SMARCA2: variants seen among roughly 807,000 people sequenced by gnomAD.
SMARCA2 encodes the protein SWI/SNF-related matrix-associated actin-dependent regulator of chromatin subfamily A member 2.
SMARCA2 carries 61 observed loss-of-function variants against 199.8 expected under a neutral mutation model. The observed-to-expected ratio is 0.31, with a 90% CI of 0.25 to 0.38. The LOEUF (loss-of-function observed/expected upper bound fraction) is 0.38, where lower values mean the gene tolerates loss of function less well. Among genes scored for constraint, SMARCA2 ranks in the 10% least tolerant of loss-of-function variants. The pLI is 1.00. For missense variants in SMARCA2, 1,344 were observed against 2,012.2 expected (o/e 0.67, Z 6.35); for synonymous variants, 935 against 732.0 (o/e 1.28, Z -4.48).
In SMARCA2 at chr9:2,054,642, G is replaced by A; in HGVS notation, c.1092G>A (p.Leu364=). 6.2e-7 allele frequency: 1 copy of A among 1,614,034 alleles called. No individual in the cohort carries two copies. The highest frequency in any genetic ancestry group is 8.5e-7 in the Non-Finnish European group (1 of 1,179,982). ...ATAGGATACAAGAACTGGAAAATCT[G>A]CCTGGCTCTTTGCCACCAGATTTAA... The part of the protein sequence containing the change: ...IAHRIQELEN[L]PGSLPPDLRT... The change falls in exon 6 of 34, where the codon CTG becomes CTA. Residue 364 remains leucine (L), a synonymous_variant. Coordinates refer to ENST00000349721, the MANE Select transcript of SMARCA2 (RefSeq NM_003070.5).
intron 27 of SMARCA2, chr9:2,160,567 A>G (rs1042440512): frequency 5.7e-6 from 4 of 701,752 alleles, no homozygotes; most frequent in African/African-American, 1.7e-5. Flanking sequence ...ATTGATTGTT[A>G]TACTCACATG....
intron 27 of SMARCA2, among the ~76,000 whole-genome samples, chr9:2,131,980 A>G (rs1046971267): frequency 6.6e-6 from 1 of 151,882 alleles, no homozygotes; most frequent in Non-Finnish European, 1.5e-5. Context: ...TTATAATACT[A>G]GGTGCTAATC....
chr9:2,028,551 T>A (rs1373710970), intron 1 of SMARCA2, among the ~76,000 whole-genome samples: 1 of 152,238 alleles, frequency 6.6e-6, no homozygotes, highest in Non-Finnish European at 1.5e-5. Flanking sequence ...CACTCACTTA[T>A]GAAAATGAGT....
chr9:2,188,061 C>A (rs1014512265), intron 32 of SMARCA2, among the ~76,000 whole-genome samples: 1 of 151,972 alleles, frequency 6.6e-6, no homozygotes, highest in African/African-American at 2.4e-5. Context: ...TATAGACATG[C>A]TTTTAAAAAA....
chr9:2,056,558 C>T lies in SMARCA2; in HGVS notation c.1174-114C>T. The T allele has an allele frequency of 1.2e-6, 1 of 867,374 alleles. No homozygotes were observed. The highest frequency in any genetic ancestry group is 1.7e-6 in the Non-Finnish European group (1 of 573,952). 53.7% of individuals were successfully genotyped at this position (867,374 alleles called of 1,614,324 possible). The stretch of plus-strand genomic sequence containing the variant: ...ATACAAACCAAAGGTGATTGAGAAG[C>T]TTGTGGAGATTCCCCGCCCCACTCT... On this transcript the variant is annotated intron_variant, in intron 6 of 33. Coordinates refer to ENST00000349721, the MANE Select transcript of SMARCA2 (RefSeq NM_003070.5). The surrounding 1 kb of genome is among the most constrained non-coding windows in gnomAD (Gnocchi z 4.0).
chr9:2,164,862 T>C (rs991265721), intron 28 of SMARCA2, among the ~76,000 whole-genome samples: 1 of 152,238 alleles, frequency 6.6e-6, no homozygotes, highest in African/African-American at 2.4e-5. Flanking sequence ...TTTAGATGCT[T>C]TCTGGGGAGT....
At chr9:2,026,363 C>T (rs1818830630) in intron 1 of SMARCA2, among the ~76,000 whole-genome samples, 1 of 152,092 alleles carries the variant, frequency 6.6e-6, no homozygotes, top group South Asian at 2.1e-4. Flanking sequence ...CAATTATATG[C>T]CCGTAATTTT....
Position 2,086,808 on chromosome 9 carries a change from G to T in SMARCA2, c.2527-21G>T. 6.2e-7 allele frequency: 1 copy of T among 1,613,592 alleles called. No homozygotes were observed. Among genetic ancestry groups the T allele is most frequent in the Non-Finnish European group, 8.5e-7 (1 of 1,179,784 alleles). ...ATTTTCCCTTGCTTACTACACGTCC[G>T]TCCTTCCTCTTGTGTTATAGATTCG... On this transcript the variant is annotated intron_variant, in intron 17 of 33. Transcript: ENST00000349721. The surrounding 1 kb of genome is among the most constrained non-coding windows in gnomAD (Gnocchi z 4.3).
chr9:2,050,275 C>A (rs183090123), intron 5 of SMARCA2, among the ~76,000 whole-genome samples: 1 of 151,964 alleles, frequency 6.6e-6, no homozygotes, highest in East Asian at 1.9e-4. Flanking sequence ...TATAATGGAA[C>A]TTTATTACTT....
In SMARCA2 at chr9:2,026,822, CTG is replaced by C. The variant is rs527506178; in HGVS notation, c.-36-2160_-36-2159del. ...CCTAAATTTAAAATGCTGACTGAAC[CTG>C]TGTGAGGTGGTGGAAAGCAAAAAGA... is the stretch of plus-strand genomic sequence containing the variant. On this transcript the variant is annotated intron_variant, in intron 1 of 33. Coordinates refer to ENST00000349721, the MANE Select transcript of SMARCA2 (RefSeq NM_003070.5). Among the ~76,000 whole-genome samples the C allele has an allele frequency of 2.6e-5, 4 of 152,254 alleles. No homozygotes were observed. In the East Asian group the frequency reaches 7.7e-4, roughly 29 times the overall value.
intron 31 of SMARCA2, among the ~76,000 whole-genome samples, chr9:2,182,804 A>G (rs555605971): frequency 0.013 from 925 of 73,316 alleles, 5 homozygotes; most frequent in Middle Eastern, 0.026. Flanking sequence ...CTCAAAGCAT[A>G]TATTTTTTTT....
chr9:2,092,192 T>C (rs986726643), intron 19 of SMARCA2, among the ~76,000 whole-genome samples: 3 of 152,238 alleles, frequency 2.0e-5, no homozygotes, highest in Admixed American at 6.5e-5. Flanking sequence ...GAACCAACTA[T>C]ACTTGCAATT....
At chr9:2,037,139 G>A (rs6475421) in intron 3 of SMARCA2, among the ~76,000 whole-genome samples, 34,776 of 152,064 alleles carry the variant, frequency 0.23, 4,200 homozygotes, top group East Asian at 0.35. Context: ...TGAACAGACT[G>A]CCATTTTGTA....
rs1818955970 is a variant in SMARCA2 at position 2,029,157 on chromosome 9, G to A, written c.135G>A (p.Gly45=). The part of the protein sequence containing the change: ...PSPGSVHSMM[G]PSPGPPSVSH... ...CAGGTTCCGTCCACAGCATGATGGGGCCAAGTCCTGGACCTCCAAGTGTCT... is the reference window on the plus strand; with the variant it reads ...CAGGTTCCGTCCACAGCATGATGGGACCAAGTCCTGGACCTCCAAGTGTCT... The change falls in exon 2 of 34, where the codon GGG becomes GGA. Residue 45 remains glycine, a synonymous_variant. Transcript: ENST00000349721. The A allele has an allele frequency of 1.2e-6, 2 of 1,613,010 alleles. No individual in the cohort carries two copies. The highest frequency in any genetic ancestry group is 2.2e-5 in the East Asian group (1 of 44,874).
At chr9:2,173,314 T>C (rs921895104) in intron 29 of SMARCA2, among the ~76,000 whole-genome samples, 2 of 152,200 alleles carry the variant, frequency 1.3e-5, no homozygotes, top group Admixed American at 1.3e-4. Context: ...TAGTATTGAC[T>C]GCTCTTTCAG....
chr9:2,173,023 A>G (rs1173296401), intron 29 of SMARCA2, among the ~76,000 whole-genome samples: 1 of 152,180 alleles, frequency 6.6e-6, no homozygotes, highest in African/African-American at 2.4e-5. Flanking sequence ...ATAAATATTC[A>G]GAGGTAGGAT....
In SMARCA2 at chr9:2,133,435, C is replaced by G. The variant is rs181026419; in HGVS notation, c.3981+9498C>G. ...TAGCTGAGACTACGGGTACGCACCG[C>G]CACACCCAGCTAATTTTTGTATTTT... On this transcript the variant is annotated intron_variant, in intron 27 of 33. Transcript: ENST00000349721. Among the ~76,000 whole-genome samples the G allele has an allele frequency of 3.3e-5, 5 of 152,150 alleles. No individual in the cohort carries two copies. The East Asian group carries it at 9.7e-4, about 29-fold the overall frequency.
intron 29 of SMARCA2, among the ~76,000 whole-genome samples, chr9:2,178,518 A>AAAC (rs1826781986): frequency 1.3e-5 from 2 of 152,206 alleles, no homozygotes; most frequent in Admixed American, 6.5e-5. Context: ...CACCTTCTGT[A>AAAC]AACAACATTG....
intron 27 of SMARCA2, among the ~76,000 whole-genome samples, chr9:2,126,276 G>A (rs183498207): frequency 2.9e-4 from 44 of 152,328 alleles, no homozygotes; most frequent in Admixed American, 2.5e-3. Flanking sequence ...CAAGAAGGAC[G>A]AAACTGTTCT....
Sources: allele counts gnomAD v4.1 joint callset (sites outside exome capture counted in the v4.1 genomes callset), GRCh38; gene constraint gnomAD v4.1.1; non-coding constraint Gnocchi (gnomAD v3.1); transcripts MANE v1.5; gene names NCBI Gene and HGNC (gene_info 2026-07-23, HGNC 2026-07-21).